Variants in PKM observed in about 807,000 individuals in gnomAD.
PKM encodes pyruvate kinase M1/2.
In PKM, 18 loss-of-function variants were observed where a neutral mutation model predicts 49.8. The ratio of observed to expected loss-of-function variants is 0.36; its 90% confidence interval spans 0.25 to 0.54. PKM has a LOEUF of 0.54. Ranked by LOEUF, PKM falls within the 20% of genes least tolerant of loss-of-function variation. The pLI is 0.89. For missense variants in PKM, 508 were observed against 713.8 expected (o/e 0.71, Z 3.28); for synonymous variants, 239 against 261.8 (o/e 0.91, Z 0.84).
intron 3 of PKM, among the ~76,000 whole-genome samples, chr15:72,210,848 T>C (rs2082233394): frequency 1.3e-5 from 2 of 152,166 alleles, no homozygotes; most frequent in Non-Finnish European, 2.9e-5. Context: ...ACCCTCAGCA[T>C]ATAAAGCTCA....
intron 8 of PKM, chr15:72,203,118 T>C: frequency 6.2e-7 from 1 of 1,613,642 alleles, no homozygotes; most frequent in Non-Finnish European, 8.5e-7. Flanking sequence ...GTCTGTGGAG[T>C]GACTTGAGGC....
At chr15:72,227,463 G>A (rs1308018944) in intron 1 of PKM, among the ~76,000 whole-genome samples, 2 of 152,184 alleles carry the variant, frequency 1.3e-5, no homozygotes, top group African/African-American at 4.8e-5. Context: ...AGCTGAAGCA[G>A]GCCAGGTGCA....
At chr15:72,224,522 A>G (rs1171395634) in intron 1 of PKM, among the ~76,000 whole-genome samples, 1 of 152,210 alleles carries the variant, frequency 6.6e-6, no homozygotes, top group East Asian at 1.9e-4. Flanking sequence ...AATTAAAGAA[A>G]AAAAAGTTTT....
rs1383298847 is a variant in PKM at position 72,200,820 on chromosome 15, C to T, written c.1308-165G>A. Reference sequence around the variant, plus strand: ...TCCCGAGGCTCGGGCAGCCCCTCATCCTATATCCCCCACAGCATGCTAGGT... The same window carrying T: ...TCCCGAGGCTCGGGCAGCCCCTCATTCTATATCCCCCACAGCATGCTAGGT... On this transcript the variant is annotated intron_variant, in intron 9 of 10. Coordinates refer to ENST00000335181, the MANE Select transcript of PKM (RefSeq NM_002654.6). The surrounding 1 kb of genome is among the most constrained non-coding windows in gnomAD (Gnocchi z 4.6). 2.5e-5 allele frequency: 15 copies of T among 605,378 alleles called. 1 individual carries two copies. Among genetic ancestry groups the T allele is most frequent in the South Asian group, 2.0e-4 (10 of 49,560 alleles). The allele number at this position is 605,378 out of a possible 1,614,324, so 37.5% of individuals were successfully genotyped here.
At chr15:72,205,624 G>GTTTTT (rs140232218) in intron 8 of PKM, among the ~76,000 whole-genome samples, 3 of 99,734 alleles carry the variant, frequency 3.0e-5, no homozygotes, top group East Asian at 2.9e-4. Context: ...GGGTGTTTTA[G>GTTTTT]TTTTTTTTTT....
At chr15:72,203,109 T>C in intron 8 of PKM, 1 of 1,613,992 alleles carries the variant, frequency 6.2e-7, no homozygotes, top group Non-Finnish European at 8.5e-7. Context: ...TTCCATGAGG[T>C]CTGTGGAGTG....
At chr15:72,229,646 TC>T (rs2082788534) in intron 1 of PKM, 1 of 1,251,684 alleles carries the variant, frequency 8.0e-7, no homozygotes, top group Non-Finnish European at 1.0e-6. Flanking sequence ...AGGCTTCCTG[TC>T]CCCCTCCCTC....
Position 72,200,394 on chromosome 15 carries a change from A to G in PKM, c.1489+80T>C. On this transcript the variant is annotated intron_variant, in intron 10 of 10. Coordinates refer to ENST00000335181, the MANE Select transcript of PKM (RefSeq NM_002654.6). The surrounding 1 kb of genome is among the most constrained non-coding windows in gnomAD (Gnocchi z 4.6). ...TGTGTGTTCCCCTTTCTATTCCCCA[A>G]ACTTTCGGGGTCCCACAGAAGCCAA... 7.2e-7 allele frequency: 1 copy of G among 1,391,264 alleles called. No homozygotes were observed. The highest frequency in any genetic ancestry group is 1.0e-6 in the Non-Finnish European group (1 of 984,628). The allele number at this position is 1,391,264 out of a possible 1,614,324, so 86.2% of individuals were successfully genotyped here.
In PKM at chr15:72,199,773, G is replaced by GAGGT; in HGVS notation, c.1490-21_1490-18dup. 6.3e-7 allele frequency: 1 copy of GAGGT among 1,575,232 alleles called. No individual in the cohort carries two copies. Among genetic ancestry groups the GAGGT allele is most frequent in the Non-Finnish European group, 8.7e-7 (1 of 1,146,480 alleles). ...GGGCCTTGCCTGGAGGAAGAGAAGG[G>GAGGT]AGGTTGGTGAGTAAAAGCCAAGCCA... On this transcript the variant is annotated splice_polypyrimidine_tract_variant and intron_variant, in intron 10 of 10. Transcript: ENST00000335181.
intron 4 of PKM, 184 bp from the exon 5 acceptor site, chr15:72,210,043 T>C (rs1003890764): frequency 2.3e-5 from 15 of 663,156 alleles, no homozygotes; most frequent in Admixed American, 1.8e-4. Context: ...GAAAAGAATA[T>C]GTTTCAGTTA....
chr15:72,217,388 T>C lies in PKM; in HGVS notation c.246+21A>G, dbSNP rs369005145. 3.7e-5 allele frequency: 55 copies of C among 1,496,932 alleles called. 1 individual carries two copies. Among genetic ancestry groups the C allele is most frequent in the African/African-American group, 6.9e-5 (5 of 72,816 alleles). 92.7% of individuals were successfully genotyped at this position (1,496,932 alleles called of 1,614,324 possible). On this transcript the variant is annotated intron_variant, in intron 3 of 10. Transcript: ENST00000335181. The stretch of plus-strand genomic sequence containing the variant: ...TTCCTACAGGCCATCACAATGGCCA[T>C]AGGGTCCAGCCACAGCTCACCTCAT...
At chr15:72,229,703 C>T (rs1291890341) in intron 1 of PKM, 3 of 1,220,384 alleles carry the variant, frequency 2.5e-6, no homozygotes, top group South Asian at 1.3e-5. Flanking sequence ...ACAGGAGATA[C>T]ATTTTAAGAT....
At chr15:72,230,132 C>T (rs576320349) in intron 1 of PKM, among the ~76,000 whole-genome samples, 2 of 152,262 alleles carry the variant, frequency 1.3e-5, no homozygotes, top group Admixed American at 6.5e-5. Flanking sequence ...TGGCGGCCAC[C>T]CGGCAAGGGC....
At chr15:72,204,525 AGAG>A (rs1199479694) in intron 8 of PKM, 1 of 152,238 alleles carries the variant, frequency 6.6e-6, no homozygotes, top group African/African-American at 2.4e-5. Context: ...ATGTTGCAGG[AGAG>A]AAGACTGGCT....
intron 1 of PKM, among the ~76,000 whole-genome samples, chr15:72,225,088 A>ATTTTTTTTT (rs59687887): frequency 1.2e-3 from 135 of 116,522 alleles, no homozygotes; most frequent in Middle Eastern, 4.5e-3. Flanking sequence ...GGCCCGGCTA[A>ATTTTTTTTT]TTTTTTTTTT....
At chr15:72,221,194 G>C in intron 1 of PKM, 1 of 1,534,788 alleles carries the variant, frequency 6.5e-7, no homozygotes, top group Admixed American at 2.0e-5. Flanking sequence ...TTGGGCTTCC[G>C]GTGACATAAT....
At chr15:72,203,278 T>A (rs1596723482) in intron 8 of PKM, 2 of 1,170,242 alleles carry the variant, frequency 1.7e-6, no homozygotes, top group East Asian at 4.7e-5. Context: ...AATGGGGAAT[T>A]TATCAGAGAG....
At chr15:72,215,238 T>C (rs2082349713) in intron 3 of PKM, among the ~76,000 whole-genome samples, 1 of 151,966 alleles carries the variant, frequency 6.6e-6, no homozygotes, top group Non-Finnish European at 1.5e-5. Context: ...ATGCAGACAT[T>C]TGATGTCCCT....
chr15:72,224,902 TTTTC>T (rs1412742812), intron 1 of PKM, among the ~76,000 whole-genome samples: 1 of 145,350 alleles, frequency 6.9e-6, no homozygotes, highest in Non-Finnish European at 1.5e-5. Context: ...CTGAGCTGTA[TTTTC>T]TTTAATTTCT....
Sources: gnomAD v4.1 joint callset for allele counts (sites outside exome capture counted in the v4.1 genomes callset) on GRCh38, gnomAD v4.1.1 for gene constraint, Gnocchi (gnomAD v3.1) non-coding constraint, MANE v1.5 for transcripts, NCBI Gene and HGNC (gene_info 2026-07-23, HGNC 2026-07-21) for gene names.